The following CPEB2 variants were observed in gnomAD, a reference collection of about 807,000 sequenced individuals.
The protein encoded by CPEB2 is cytoplasmic polyadenylation element binding protein 2.
In CPEB2, 56 loss-of-function variants were observed where a neutral mutation model predicts 93.6. The ratio of observed to expected loss-of-function variants is 0.60; its 90% CI spans 0.48 to 0.75. The LOEUF (loss-of-function observed/expected upper bound fraction) is 0.75, where lower values mean the gene tolerates loss of function less well. Ranked by LOEUF, CPEB2 falls within the 30% of genes least tolerant of loss-of-function variation. CPEB2 has a pLI of 0.00. For missense variants in CPEB2, 1,579 were observed against 1,395.1 expected (o/e 1.13, Z -2.10); for synonymous variants, 764 against 586.3 (o/e 1.30, Z -4.38).
chr4:15,029,183 T>G (rs1461163302), intron 4 of CPEB2, among the ~76,000 whole-genome samples: 1 of 152,166 alleles, frequency 6.6e-6, no homozygotes, highest in African/African-American at 2.4e-5. Flanking sequence ...CGTATCATAC[T>G]TGGTGCACAT....
intron 6 of CPEB2, among the ~76,000 whole-genome samples, chr4:15,044,618 T>C (rs1727485345): frequency 1.3e-5 from 2 of 152,232 alleles, no homozygotes; most frequent in African/African-American, 2.4e-5. Context: ...CGTTAGTGTG[T>C]ACATTATGGT....
rs2643092 is a variant in CPEB2, at chr4:15,013,968, C to T, written c.2035-3220C>T. On this transcript the variant is annotated intron_variant, in intron 3 of 11. Transcript: ENST00000538197. The stretch of plus-strand genomic sequence containing the variant: ...AAGCTGAAGTTATTAATACATGCAG[C>T]CTTTTTGAATAACACCTCTCAAAAT... Among the ~76,000 whole-genome samples the T allele has an allele frequency of 7.7e-3, 1,174 of 152,088 alleles. 16 individuals are homozygous for T. Among genetic ancestry groups the T allele is most frequent in the African/African-American group, 0.027 (1,113 of 41,528 alleles).
chr4:15,033,287 G>A (rs369201801), intron 5 of CPEB2, 76 bp downstream of exon 5: 1 of 878,034 alleles, frequency 1.1e-6, no homozygotes, highest in Non-Finnish European at 1.9e-6. Flanking sequence ...CTCTGAACCT[G>A]TCCATACACA....
At chr4:15,064,850 T>C (rs764337793) in intron 11 of CPEB2, among the ~76,000 whole-genome samples, 1 of 152,030 alleles carries the variant, frequency 6.6e-6, no homozygotes, top group Non-Finnish European at 1.5e-5. Context: ...AAATTAAGCA[T>C]AACAATTTTA....
In CPEB2 at chr4:15,003,917, C is replaced by G. The variant is rs1722393765; in HGVS notation, c.1244C>G (p.Pro415Arg). The G allele has an allele frequency of 1.9e-6, 2 of 1,028,326 alleles. No individual in the cohort carries two copies. The highest frequency in any genetic ancestry group is 6.9e-5 in the East Asian group (2 of 29,012). The allele number at this position is 1,028,326 out of a possible 1,614,324, so 63.7% of individuals were successfully genotyped here. A position where few individuals can be genotyped will look rare whatever the true frequency, so the allele number is the denominator to read the frequency against. The change falls in exon 1 of 12, where the codon CCG (proline) becomes CGG (arginine). Residue 415 changes from proline (P) to arginine (R), a missense_variant. Pro to Arg is a moderately radical substitution (Grantham distance 103). This residue lies in a region of CPEB2 where 1,411 missense variants were observed against 1,056.0 expected (regional missense o/e 1.34). Transcript: ENST00000538197. ...CCGCCACCCCAGCAGCCGCCCCAGC[C>G]GCAGCCGCAGCCGCCCGGCTCGTCT... ...QPPPPQQPPQPQPQPPGSSAT... is the reference protein window; with the variant it reads ...QPPPPQQPPQRQPQPPGSSAT...
At chr4:15,007,615 T>G in intron 2 of CPEB2, 29 bp downstream of exon 2, 1 of 1,388,258 alleles carries the variant, frequency 7.2e-7, no homozygotes, top group South Asian at 1.7e-5. Context: ...TGACCTTATC[T>G]CTAATGTTAA....
Position 15,008,633 on chromosome 4 carries a change from A to G in CPEB2, c.2034+206A>G, listed in dbSNP as rs372838374. ...TTTCAAATTTAAGAGTAATCCTTTT[A>G]TAATTCTAAAACATAATAAACTTTT... On this transcript the variant is annotated intron_variant, in intron 3 of 11. Transcript: ENST00000538197. Among the ~76,000 whole-genome samples, 3 of 152,220 alleles carry G rather than the reference A, an allele frequency of 2.0e-5. No homozygotes were observed. In the East Asian group the frequency reaches 5.8e-4, roughly 29 times the overall value.
chr4:15,059,387 A>T (rs1728993352), intron 10 of CPEB2, 86 bp downstream of exon 10: 2 of 848,976 alleles, frequency 2.4e-6, no homozygotes, highest in Non-Finnish European at 3.8e-6. Context: ...GCTATTGTGT[A>T]CATGACACTA....
At chr4:15,026,237 TG>T (rs199677945) in intron 4 of CPEB2, among the ~76,000 whole-genome samples, 36 of 149,998 alleles carry the variant, frequency 2.4e-4, no homozygotes, top group Admixed American at 2.7e-4. Flanking sequence ...TTTTTGTTTT[TG>T]TTTTTTGAGA....
chr4:15,009,577 C>T (rs1421793994), intron 3 of CPEB2, among the ~76,000 whole-genome samples: 1 of 151,872 alleles, frequency 6.6e-6, no homozygotes, highest in African/African-American at 2.4e-5. Flanking sequence ...ACATGAATGC[C>T]TAGGAGATGG....
intron 3 of CPEB2, among the ~76,000 whole-genome samples, chr4:15,012,391 G>A (rs898333508): frequency 2.6e-5 from 4 of 152,096 alleles, no homozygotes; most frequent in Non-Finnish European, 2.9e-5. Flanking sequence ...ATTGAGGTTC[G>A]AAATTAATAA....
rs145155198 is a variant in CPEB2, at chr4:15,002,594, C to T, written c.-80C>T. 2,448 of 1,234,368 alleles carry T rather than the reference C, an allele frequency of 2.0e-3. 46 individuals carry two copies. The African/African-American group carries it at 0.034, about 17-fold the overall frequency. 76.5% of individuals were successfully genotyped at this position (1,234,368 alleles called of 1,614,324 possible). A position where few individuals can be genotyped will look rare whatever the true frequency, so the allele number is the denominator to read the frequency against. On this transcript the variant is annotated 5_prime_UTR_variant, in exon 1 of 12. Transcript: ENST00000538197. The stretch of plus-strand genomic sequence containing the variant: ...TGACTCCCCCTCCTTCCACCACGGC[C>T]GCGCAACCCCAGCGCCGGCGGCTTC...
chr4:15,066,038 A>G, intron 11 of CPEB2, 115 bp from the exon 12 acceptor site: 3 of 849,208 alleles, frequency 3.5e-6, no homozygotes, highest in East Asian at 2.5e-5. Context: ...GAAACTGCCC[A>G]TTTCCTCAGC....
At chr4:15,039,051 A>G (rs1156243569) in intron 5 of CPEB2, among the ~76,000 whole-genome samples, 1 of 152,216 alleles carries the variant, frequency 6.6e-6, no homozygotes, top group Non-Finnish European at 1.5e-5. Context: ...GAGGAGAAAT[A>G]ATATATAGGT....
Position 15,069,546 on chromosome 4 carries a change from CT to C in CPEB2, c.*3172del, listed in dbSNP as rs1241617410. ...AGTGTTTTGCTAACAAAAGGAGAGA[CT>C]TTTTTCATGCATATTTCTATTTTGT... On this transcript the variant is annotated 3_prime_UTR_variant, in exon 12 of 12. Transcript: ENST00000538197. 2 of 151,826 alleles carry C rather than the reference CT, an allele frequency of 1.3e-5. No individual in the cohort carries two copies. Among genetic ancestry groups the C allele is most frequent in the African/African-American group, 4.9e-5 (2 of 41,228 alleles). The allele number at this position is 151,826 out of a possible 1,614,324, so 9.4% of individuals were successfully genotyped here. A position where few individuals can be genotyped will look rare whatever the true frequency, so the allele number is the denominator to read the frequency against.
rs1727072974 is a variant in CPEB2 at position 15,040,596 on chromosome 4, A to G, written c.2200+109A>G. 7 of 1,000,584 alleles carry G rather than the reference A, an allele frequency of 7.0e-6. No individual in the cohort carries two copies. In the South Asian group the frequency reaches 1.1e-4, roughly 16 times the overall value. 62.0% of individuals were successfully genotyped at this position (1,000,584 alleles called of 1,614,324 possible). On this transcript the variant is annotated intron_variant, in intron 6 of 11. Coordinates refer to ENST00000538197, the MANE Select transcript of CPEB2 (RefSeq NM_001177382.2). Reference sequence around the variant, plus strand: ...CATGCAATATCTGAAAACTCACACAATTGTATTTTGATTTGAGCACTTGTC... The same window carrying G: ...CATGCAATATCTGAAAACTCACACAGTTGTATTTTGATTTGAGCACTTGTC...
At chr4:15,024,295 T>G (rs545119884) in intron 4 of CPEB2, among the ~76,000 whole-genome samples, 1 of 152,276 alleles carries the variant, frequency 6.6e-6, no homozygotes, top group East Asian at 1.9e-4. Context: ...TTCTTTGATT[T>G]GTTGGACCTG....
intron 5 of CPEB2, among the ~76,000 whole-genome samples, chr4:15,034,968 A>G (rs1177996215): frequency 2.0e-5 from 3 of 152,166 alleles, no homozygotes; most frequent in Non-Finnish European, 4.4e-5. Context: ...GAAATGTGAG[A>G]ATTAAGTGAT....
rs778802345 is a variant in CPEB2 at position 15,059,337 on chromosome 4, C to G, written c.2695+36C>G. On this transcript the variant is annotated intron_variant, in intron 10 of 11. Transcript: ENST00000538197. ...TGTTAACAATTTTGTTTAAAAAAAT[C>G]ATTTAAATATGTCCTAGTCAATTTA... 1.8e-5 allele frequency: 23 copies of G among 1,292,756 alleles called. No individual in the cohort carries two copies. The Admixed American group carries it at 4.0e-4, about 22-fold the overall frequency. The allele number at this position is 1,292,756 out of a possible 1,614,324, so 80.1% of individuals were successfully genotyped here. A position where few individuals can be genotyped will look rare whatever the true frequency, so the allele number is the denominator to read the frequency against.
Sources: gnomAD v4.1 joint callset for allele counts (sites outside exome capture counted in the v4.1 genomes callset) on GRCh38, gnomAD v4.1.1 for gene constraint, gnomAD v4.1.1 regional missense constraint, MANE v1.5 for transcripts, NCBI Gene and HGNC (gene_info 2026-07-23, HGNC 2026-07-21) for gene names.